Variants in CERS6 observed in about 807,000 individuals in gnomAD.
The protein encoded by CERS6 is LAG1 homolog, ceramide synthase 6.
CERS6 carries 26 observed loss-of-function variants against 56.8 expected under a neutral mutation model. The ratio of observed to expected loss-of-function variants is 0.46; its 90% confidence interval spans 0.34 to 0.63. The LOEUF is 0.63. CERS6 is among the 30% of genes least tolerant of loss of function. CERS6 has a pLI of 0.01. For missense variants in CERS6, 415 were observed against 467.5 expected, an observed-to-expected ratio of 0.89 and a Z score of 1.04; for synonymous variants, 164 against 173.3, an observed-to-expected ratio of 0.95 and a Z score of 0.42.
chr2:168,740,699 C>T (rs1426230372), intron 8 of CERS6, among the ~76,000 whole-genome samples: 1 of 152,236 alleles, frequency 6.6e-6, no homozygotes, highest in Non-Finnish European at 1.5e-5. Context: ...AAATTGTTCA[C>T]AGTAGTAGTC....
intron 4 of CERS6, among the ~76,000 whole-genome samples, chr2:168,658,385 A>G (rs1238378870): frequency 6.6e-6 from 1 of 152,162 alleles, no homozygotes; most frequent in Admixed American, 6.5e-5. Context: ...CATTCAGAGC[A>G]CTTGTCTGAA....
chr2:168,747,225 T>TC (rs1488530418), intron 8 of CERS6, among the ~76,000 whole-genome samples: 2 of 151,942 alleles, frequency 1.3e-5, no homozygotes, highest in African/African-American at 4.8e-5. Context: ...GGTGGAGGAT[T>TC]CAGTGAGCCA....
At chr2:168,737,601 G>A (rs971414053) in intron 8 of CERS6, among the ~76,000 whole-genome samples, 2 of 152,228 alleles carry the variant, frequency 1.3e-5, no homozygotes, top group Admixed American at 1.3e-4. Context: ...CCAAAAAGAA[G>A]AGTGTCTGTT....
intron 1 of CERS6, among the ~76,000 whole-genome samples, chr2:168,514,686 G>A (rs1410824390): frequency 6.6e-6 from 1 of 152,162 alleles, no homozygotes; most frequent in Non-Finnish European, 1.5e-5. Context: ...TACTTCTTTG[G>A]GGTGTTTTTT....
chr2:168,711,177 C>T (rs1050917824), intron 6 of CERS6, among the ~76,000 whole-genome samples: 5 of 152,150 alleles, frequency 3.3e-5, no homozygotes, highest in Admixed American at 6.5e-5. Context: ...AACCTCTGGA[C>T]ATGTTCACTA....
intron 8 of CERS6, among the ~76,000 whole-genome samples, chr2:168,761,995 G>A (rs1469642563): frequency 6.6e-6 from 1 of 152,076 alleles, no homozygotes; most frequent in Non-Finnish European, 1.5e-5. Flanking sequence ...ATCACACACT[G>A]GGGCCTGTCA....
At position 168,604,850 on chromosome 2, in the gene CERS6, T is replaced by A. The variant is rs1283201948; in HGVS notation, c.408-26135T>A. Among the ~76,000 whole-genome samples, 5 of 152,200 alleles carry A rather than the reference T, an allele frequency of 3.3e-5. No individual in the cohort carries two copies. The South Asian group carries it at 8.3e-4, about 25-fold the overall frequency. ...AACCATGAGCCAATTAAACCTCTTT[T>A]CTTTATAAATTACTCAGTCTCAGGT... is the stretch of plus-strand genomic sequence containing the variant. On this transcript the variant is annotated intron_variant, in intron 3 of 9. Transcript: ENST00000305747.
chr2:168,717,411 C>T (rs1013041967), intron 7 of CERS6, among the ~76,000 whole-genome samples: 3 of 152,082 alleles, frequency 2.0e-5, no homozygotes, highest in African/African-American at 4.8e-5. Context: ...CGCAGAAAAG[C>T]TCCATATATT....
chr2:168,574,346 A>G (rs1203206780), intron 3 of CERS6, among the ~76,000 whole-genome samples: 13 of 151,274 alleles, frequency 8.6e-5, no homozygotes, highest in Admixed American at 4.0e-4. Context: ...GTTTCTTTCC[A>G]ATACTTACGT....
chr2:168,757,443 C>G (rs900282930), intron 8 of CERS6, among the ~76,000 whole-genome samples: 1 of 151,944 alleles, frequency 6.6e-6, no homozygotes, highest in Non-Finnish European at 1.5e-5. Flanking sequence ...CTAAGTCTGG[C>G]CTGGCTATGA....
chr2:168,726,222 A>G (rs1409531997), intron 8 of CERS6, among the ~76,000 whole-genome samples: 1 of 152,218 alleles, frequency 6.6e-6, no homozygotes, highest in Non-Finnish European at 1.5e-5. Context: ...TACACAGAGA[A>G]AGGAGATTCA....
chr2:168,561,208 G>A lies in CERS6; in HGVS notation c.293G>A (p.Arg98Lys), dbSNP rs1180951479. 1 of 1,614,038 alleles carries A rather than the reference G, an allele frequency of 6.2e-7. No individual in the cohort carries two copies. The highest frequency in any genetic ancestry group is 1.1e-5 in the South Asian group (1 of 91,080). The change falls in exon 3 of 10, where the codon AGA becomes AAA. Residue 98 changes from arginine to lysine, a missense_variant. Coordinates refer to ENST00000305747, the MANE Select transcript of CERS6 (RefSeq NM_203463.3). ...TAITKHPDEKRLEGLSKQLDW... is the reference protein window; with the variant it reads ...TAITKHPDEKKLEGLSKQLDW... Reference sequence around the variant, plus strand: ...GTTTCATAGCATCCTGATGAAAAGAGATTGGAAGGCCTCTCCAAGCAACTG... The same window carrying A: ...GTTTCATAGCATCCTGATGAAAAGAAATTGGAAGGCCTCTCCAAGCAACTG...
At chr2:168,743,540 C>A (rs988290349) in intron 8 of CERS6, among the ~76,000 whole-genome samples, 1 of 86,472 alleles carries the variant, frequency 1.2e-5, no homozygotes, top group African/African-American at 3.6e-5. Flanking sequence ...GAAGCTGAGG[C>A]GAGACTGTCT....
intron 3 of CERS6, among the ~76,000 whole-genome samples, chr2:168,576,243 A>G (rs1026518216): frequency 6.6e-6 from 1 of 152,200 alleles, no homozygotes; most frequent in Non-Finnish European, 1.5e-5. Flanking sequence ...TAGTAATGGC[A>G]ACAGCCCAAT....
chr2:168,551,035 C>T (rs1695561900), intron 2 of CERS6, among the ~76,000 whole-genome samples: 1 of 152,192 alleles, frequency 6.6e-6, no homozygotes, highest in African/African-American at 2.4e-5. Context: ...CTGGCACATG[C>T]TCCTTTGCCC....
chr2:168,711,332 T>C (rs1687083452), intron 6 of CERS6, among the ~76,000 whole-genome samples: 1 of 152,188 alleles, frequency 6.6e-6, no homozygotes, highest in Admixed American at 6.5e-5. Context: ...CCGCCACATA[T>C]ACACAAATAT....
chr2:168,464,266 A>G (rs1460880335), intron 1 of CERS6, among the ~76,000 whole-genome samples: 1 of 150,394 alleles, frequency 6.6e-6, no homozygotes, highest in African/African-American at 2.5e-5. Flanking sequence ...GATCTCAGCT[A>G]CTGCAACCTC....
intron 4 of CERS6, among the ~76,000 whole-genome samples, chr2:168,640,034 T>C (rs896047494): frequency 5.3e-5 from 8 of 152,164 alleles, no homozygotes; most frequent in African/African-American, 1.9e-4. Flanking sequence ...CCAAGAAATG[T>C]AGGCTTCCAC....
intron 1 of CERS6, among the ~76,000 whole-genome samples, chr2:168,484,381 A>T (rs1436431708): frequency 6.6e-6 from 1 of 151,292 alleles, no homozygotes; most frequent in Non-Finnish European, 1.5e-5. Flanking sequence ...GGGTTTCTCC[A>T]TGTTGGTCAG....
Sources: allele counts gnomAD v4.1 joint callset (sites outside exome capture counted in the v4.1 genomes callset), GRCh38; gene constraint gnomAD v4.1.1; transcripts MANE v1.5; gene names NCBI Gene and HGNC (gene_info 2026-07-23, HGNC 2026-07-21).